The following GLIS3 variants were observed in gnomAD, a reference collection of about 807,000 sequenced individuals.
GLIS3 encodes the protein GLIS family zinc finger 3.
Under a neutral mutation model 78.6 loss-of-function variants are expected in GLIS3, and 53 were observed. The observed-to-expected ratio is 0.67, with a 90% CI of 0.54 to 0.85. GLIS3 has a LOEUF of 0.85. GLIS3 is among the 40% of genes least tolerant of loss of function. The pLI is 0.00. For missense variants in GLIS3, 1,703 were observed against 1,231.1 expected, an observed-to-expected ratio of 1.38 and a Z score of -5.74; for synonymous variants, 684 against 509.9, an observed-to-expected ratio of 1.34 and a Z score of -4.60.
chr9:4,301,528 A>C (rs1032684614), upstream of GLIS3, among the ~76,000 whole-genome samples: 1 of 152,226 alleles, frequency 6.6e-6, no homozygotes, highest in African/African-American at 2.4e-5. Flanking sequence ...TCCAGCCTTA[A>C]GGAACAGAGC....
At chr9:4,217,740 G>T (rs1215849538) in intron 2 of GLIS3, among the ~76,000 whole-genome samples, 2 of 152,146 alleles carry the variant, frequency 1.3e-5, no homozygotes, top group South Asian at 4.1e-4. Context: ...TAAGCCGTGA[G>T]CAAAAATAAC....
chr9:4,046,384 T>A (rs1411962779), intron 4 of GLIS3, among the ~76,000 whole-genome samples: 1 of 152,024 alleles, frequency 6.6e-6, no homozygotes, highest in East Asian at 1.9e-4. Context: ...AAAGAGAGGG[T>A]TGGCAGGCAT....
chr9:4,161,849 GT>G (rs56116096), intron 2 of GLIS3, among the ~76,000 whole-genome samples: 36,653 of 146,366 alleles, frequency 0.25, 4,783 homozygotes, highest in South Asian at 0.35. Flanking sequence ...GCTAATTTTT[GT>G]TTTTTTTTTT....
intron 4 of GLIS3, among the ~76,000 whole-genome samples, chr9:4,023,977 G>C (rs1195716926): frequency 6.6e-6 from 1 of 151,258 alleles, no homozygotes; most frequent in African/African-American, 2.4e-5. Flanking sequence ...TAGTCATGAA[G>C]AGTAAGACCA....
rs150869770 is a variant in GLIS3 at position 3,984,667 on chromosome 9, T to G, written c.1711-47478A>C. On this transcript the variant is annotated intron_variant, in intron 4 of 10. Coordinates refer to ENST00000381971, the MANE Select transcript of GLIS3 (RefSeq NM_001042413.2). The stretch of plus-strand genomic sequence containing the variant: ...TTGGGGGACTCTTGGGAAGGCATGA[T>G]TGATTTTGAAATGTGAGGACATAAA... Among the ~76,000 whole-genome samples the G allele has an allele frequency of 1.2e-4, 18 of 152,278 alleles. No individual in the cohort carries two copies. In the East Asian group the frequency reaches 2.5e-3, roughly 21 times the overall value.
At chr9:4,206,337 C>G (rs901886111) in intron 2 of GLIS3, among the ~76,000 whole-genome samples, 1 of 152,222 alleles carries the variant, frequency 6.6e-6, no homozygotes, top group African/African-American at 2.4e-5. Context: ...TACTAAAAGA[C>G]TGGCTTACAC....
In GLIS3 at chr9:4,205,921, T is replaced by C. The variant is rs142874722; in HGVS notation, c.389-79980A>G. 5.3e-5 allele frequency among the ~76,000 whole-genome samples: 8 copies of C among 152,340 alleles called. No individual in the cohort carries two copies. The East Asian group carries it at 1.2e-3, about 22-fold the overall frequency. On this transcript the variant is annotated intron_variant, in intron 2 of 10. Coordinates refer to ENST00000381971, the MANE Select transcript of GLIS3 (RefSeq NM_001042413.2). ...AACTGTTTAGGCTGCACTCAAAGGATCAGGTGTGGTCAACAGGATTTCTTT... is the reference window on the plus strand; with the variant it reads ...AACTGTTTAGGCTGCACTCAAAGGACCAGGTGTGGTCAACAGGATTTCTTT...
chr9:4,431,886 CT>C, the GLIS3 span, among the ~76,000 whole-genome samples: 1 of 150,210 alleles, frequency 6.7e-6, no homozygotes, highest in Non-Finnish European at 1.5e-5. Flanking sequence ...GTATTTTAGG[CT>C]TTGTGTGCCC....
At position 4,149,671 on chromosome 9, in the gene GLIS3, C is replaced by T. The variant is rs1834515449; in HGVS notation, c.389-23730G>A. The stretch of plus-strand genomic sequence containing the variant: ...CAGTGGTTAAGTGTCTATTACATAA[C>T]CCCTTTTACTTTCAGGAATTTTTGA... On this transcript the variant is annotated intron_variant, in intron 2 of 10. Coordinates refer to ENST00000381971, the MANE Select transcript of GLIS3 (RefSeq NM_001042413.2). 2.0e-5 allele frequency among the ~76,000 whole-genome samples: 3 copies of T among 152,184 alleles called. No individual in the cohort carries two copies. In the South Asian group the frequency reaches 6.2e-4, roughly 32 times the overall value.
chr9:4,139,684 G>A (rs1031553133), intron 2 of GLIS3, among the ~76,000 whole-genome samples: 1 of 152,046 alleles, frequency 6.6e-6, no homozygotes, highest in African/African-American at 2.4e-5. Flanking sequence ...GCACGGTTGG[G>A]TGGGGTTCAG....
intron 2 of GLIS3, among the ~76,000 whole-genome samples, chr9:4,143,582 CA>C (rs934665399): frequency 6.6e-6 from 1 of 150,634 alleles, no homozygotes; most frequent in Non-Finnish European, 1.5e-5. Context: ...AAAATAAAAA[CA>C]AAAAAAAACT....
intron 4 of GLIS3, among the ~76,000 whole-genome samples, chr9:4,076,666 A>T (rs1422864552): frequency 6.6e-6 from 1 of 152,184 alleles, no homozygotes; most frequent in East Asian, 1.9e-4. Flanking sequence ...TAAAAATGTG[A>T]ATTTAAATAT....
At chr9:4,302,611 C>T (rs1337041425), upstream of GLIS3, among the ~76,000 whole-genome samples, 1 of 152,178 alleles carries the variant, frequency 6.6e-6, no homozygotes, top group African/African-American at 2.4e-5. Flanking sequence ...GAATAATCTC[C>T]TACTTAGAAG....
chr9:3,918,940 C>A (rs1376779507), intron 6 of GLIS3, among the ~76,000 whole-genome samples: 2 of 152,132 alleles, frequency 1.3e-5, no homozygotes, highest in Non-Finnish European at 2.9e-5. Flanking sequence ...CCGGGAAGAT[C>A]CCATAGGTGT....
chr9:4,051,511 G>C (rs920530799), intron 4 of GLIS3, among the ~76,000 whole-genome samples: 1 of 152,164 alleles, frequency 6.6e-6, no homozygotes, highest in African/African-American at 2.4e-5. Flanking sequence ...TAATAACTAT[G>C]TGGATCAGAG....
chr9:4,472,954 C>T, the GLIS3 span, among the ~76,000 whole-genome samples: 1 of 152,116 alleles, frequency 6.6e-6, no homozygotes, highest in Non-Finnish European at 1.5e-5. Context: ...ATACTGTTTA[C>T]ATTCCTTTGG....
chr9:4,212,018 T>G (rs1020387522), intron 2 of GLIS3, among the ~76,000 whole-genome samples: 2 of 151,774 alleles, frequency 1.3e-5, no homozygotes, highest in Non-Finnish European at 2.9e-5. Context: ...GGGCTGGGAG[T>G]GGGAAAGAGG....
At chr9:3,953,795 C>CTATATATATATATATATATA (rs57500093) in intron 4 of GLIS3, among the ~76,000 whole-genome samples, 2 of 73,324 alleles carry the variant, frequency 2.7e-5, no homozygotes, top group Admixed American at 1.4e-4. Flanking sequence ...CTCTCTCTCT[C>CTATATATATATATATATATA]TATATATATA....
intron 4 of GLIS3, among the ~76,000 whole-genome samples, chr9:4,000,740 T>C (rs538926138): frequency 6.6e-6 from 1 of 152,282 alleles, no homozygotes; most frequent in East Asian, 1.9e-4. Context: ...GCCGCTCACC[T>C]GCATTCTAGT....
Sources: gnomAD v4.1 joint callset for allele counts (sites outside exome capture counted in the v4.1 genomes callset) on GRCh38, gnomAD v4.1.1 for gene constraint, MANE v1.5 for transcripts, NCBI Gene and HGNC (gene_info 2026-07-23, HGNC 2026-07-21) for gene names.